The following PLEKHA5 variants were observed in gnomAD, a reference collection of about 807,000 sequenced individuals.
The protein encoded by PLEKHA5 is pleckstrin homology domain containing A5.
A neutral mutation model predicts 181.9 loss-of-function variants in PLEKHA5; 55 were observed. The observed-to-expected ratio is 0.30, with a 90% CI of 0.24 to 0.38. The LOEUF (loss-of-function observed/expected upper bound fraction) is 0.38, where lower values mean the gene tolerates loss of function less well. Ranked by LOEUF, PLEKHA5 falls within the 10% of genes least tolerant of loss-of-function variation. The pLI is 1.00. For missense variants in PLEKHA5, 1,432 were observed against 1,549.5 expected (o/e 0.92, Z 1.27); for synonymous variants, 535 against 529.4 (o/e 1.01, Z -0.15).
intron 8 of PLEKHA5, among the ~76,000 whole-genome samples, chr12:19,266,492 A>G (rs923055185): frequency 2.6e-5 from 4 of 151,882 alleles, no homozygotes; most frequent in African/African-American, 7.3e-5. Flanking sequence ...TCAAAAAAAA[A>G]TTATTAATAA....
chr12:19,175,235 T>C (rs1357360547), intron 3 of PLEKHA5, among the ~76,000 whole-genome samples: 2 of 152,216 alleles, frequency 1.3e-5, no homozygotes, highest in African/African-American at 4.8e-5. Flanking sequence ...AAATGCTCAT[T>C]CATCAGTTCT....
chr12:19,368,037 C>G (rs548339413), intron 30 of PLEKHA5, among the ~76,000 whole-genome samples: 6 of 152,018 alleles, frequency 3.9e-5, no homozygotes, highest in African/African-American at 1.4e-4. Flanking sequence ...GGCAGAACAT[C>G]TTCCGTATCT....
chr12:19,298,327 G>T (rs536339408), intron 15 of PLEKHA5, among the ~76,000 whole-genome samples: 1 of 151,014 alleles, frequency 6.6e-6, no homozygotes, highest in Non-Finnish European at 1.5e-5. Context: ...TTTAATATGT[G>T]TCTCTTAAAT....
intron 3 of PLEKHA5, among the ~76,000 whole-genome samples, chr12:19,190,441 T>C (rs901981099): frequency 6.6e-6 from 1 of 152,194 alleles, no homozygotes; most frequent in Admixed American, 6.5e-5. Flanking sequence ...GGCTGAGAGA[T>C]AACTGATTGC....
rs2152736639 is a variant in PLEKHA5 at position 19,274,493 on chromosome 12, A to G, written c.846-23A>G. 2.1e-6 allele frequency: 3 copies of G among 1,442,528 alleles called. 1 individual carries two copies. The highest frequency in any genetic ancestry group is 2.3e-5 in the East Asian group (1 of 44,044). 89.4% of individuals were successfully genotyped at this position (1,442,528 alleles called of 1,614,324 possible). A position where few individuals can be genotyped will look rare whatever the true frequency, so the allele number is the denominator to read the frequency against. On this transcript the variant is annotated intron_variant, in intron 10 of 31. Transcript: ENST00000429027. Reference sequence around the variant, plus strand: ...TGTACATTATTTCATCTGATTTACTATGATTTTCTTCTCTGATTTCAGAGT... The same window carrying G: ...TGTACATTATTTCATCTGATTTACTGTGATTTTCTTCTCTGATTTCAGAGT...
chr12:19,142,293 C>G (rs749807211), intron 3 of PLEKHA5, among the ~76,000 whole-genome samples: 1 of 152,050 alleles, frequency 6.6e-6, no homozygotes, highest in East Asian at 1.9e-4. Flanking sequence ...TGCTTGAGCC[C>G]AGGAACTCAA....
intron 29 of PLEKHA5, among the ~76,000 whole-genome samples, chr12:19,363,959 A>C (rs543934015): frequency 2.6e-5 from 4 of 152,342 alleles, no homozygotes; most frequent in African/African-American, 4.8e-5. Flanking sequence ...TAAGAAAAAT[A>C]TCTCTGCTGA....
intron 3 of PLEKHA5, among the ~76,000 whole-genome samples, chr12:19,136,637 A>C (rs537010972): frequency 6.6e-6 from 1 of 152,298 alleles, no homozygotes; most frequent in East Asian, 1.9e-4. Context: ...TGCCAAGTAA[A>C]TCTTAAGGCT....
chr12:19,349,590 A>G (rs1353075458), intron 25 of PLEKHA5, among the ~76,000 whole-genome samples: 1 of 152,122 alleles, frequency 6.6e-6, no homozygotes, highest in African/African-American at 2.4e-5. Flanking sequence ...AGAAAAGAGT[A>G]GAGAGAGAAC....
intron 27 of PLEKHA5, among the ~76,000 whole-genome samples, chr12:19,359,118 C>T (rs912530753): frequency 6.6e-6 from 1 of 152,116 alleles, no homozygotes; most frequent in Non-Finnish European, 1.5e-5. Context: ...TAATGAATAT[C>T]CCCTCTTTCC....
chr12:19,281,943 G>A (rs769548863), intron 11 of PLEKHA5, among the ~76,000 whole-genome samples: 35 of 151,898 alleles, frequency 2.3e-4, no homozygotes, highest in South Asian at 2.1e-4. Flanking sequence ...CACCACGCCC[G>A]GCTAATTTTT....
At chr12:19,192,032 A>G (rs2051266176) in intron 3 of PLEKHA5, among the ~76,000 whole-genome samples, 1 of 152,132 alleles carries the variant, frequency 6.6e-6, no homozygotes, top group South Asian at 2.1e-4. Context: ...TAGTCCGTGT[A>G]TAGGCTGGGG....
At chr12:19,311,957 T>C (rs2086702719) in intron 15 of PLEKHA5, among the ~76,000 whole-genome samples, 2 of 152,128 alleles carry the variant, frequency 1.3e-5, no homozygotes, top group Non-Finnish European at 2.9e-5. Flanking sequence ...ATAATAGTAA[T>C]TGAAAGTTGA....
chr12:19,245,434 A>C (rs574966699), intron 3 of PLEKHA5, among the ~76,000 whole-genome samples: 168 of 152,236 alleles, frequency 1.1e-3, no homozygotes, highest in African/African-American at 3.5e-3. Context: ...TGGACATAGA[A>C]TCTCATATCT....
intron 28 of PLEKHA5, among the ~76,000 whole-genome samples, chr12:19,360,343 A>AT (rs1296424919): frequency 8.6e-5 from 13 of 151,814 alleles, no homozygotes; most frequent in Non-Finnish European, 1.9e-4. Context: ...ACAGTGGCTC[A>AT]TGCCTGTAAT....
At chr12:19,173,675 A>T (rs998426510) in intron 3 of PLEKHA5, among the ~76,000 whole-genome samples, 11 of 152,182 alleles carry the variant, frequency 7.2e-5, no homozygotes, top group Admixed American at 6.5e-4. Flanking sequence ...GGCTCCAGGG[A>T]ACAGGACAAA....
At chr12:19,296,384 C>G (rs1232764562) in intron 15 of PLEKHA5, among the ~76,000 whole-genome samples, 2 of 151,918 alleles carry the variant, frequency 1.3e-5, no homozygotes, top group Non-Finnish European at 2.9e-5. Flanking sequence ...CCCATCTCTA[C>G]TAAAAACACA....
At chr12:19,219,456 T>C (rs2058580368) in intron 3 of PLEKHA5, among the ~76,000 whole-genome samples, 1 of 151,986 alleles carries the variant, frequency 6.6e-6, no homozygotes, top group South Asian at 2.1e-4. Flanking sequence ...TGGGAAACAA[T>C]TATAAAAGAT....
At position 19,274,689 on chromosome 12, in the gene PLEKHA5, A is replaced by G. The variant is rs1365762902; in HGVS notation, c.1019A>G (p.Gln340Arg). ...AAATATGGATTTCAGAAGGATGGTCAAGATAGACCCTTAACAAAAATTAAT... is the reference window on the plus strand; with the variant it reads ...AAATATGGATTTCAGAAGGATGGTCGAGATAGACCCTTAACAAAAATTAAT... ...AEKYGFQKDG[Q>R]DRPLTKINSV... is the part of the protein sequence containing the mutation. Residue 340 changes from glutamine to arginine, a missense_variant, in exon 11 of 32, where the codon CAA (glutamine) becomes CGA (arginine). Gln to Arg is a conservative substitution (Grantham distance 43). Around this residue, in one of 2 missense-constraint regions of PLEKHA5, gnomAD observed 1,143 missense variants for 1,168.4 expected, o/e 0.98. Transcript: ENST00000429027. 1.9e-6 allele frequency: 3 copies of G among 1,614,142 alleles called. No homozygotes were observed. The South Asian group carries it at 3.3e-5, about 18-fold the overall frequency.
Sources: allele counts gnomAD v4.1 joint callset (sites outside exome capture counted in the v4.1 genomes callset), GRCh38; gene constraint gnomAD v4.1.1; regional missense constraint gnomAD v4.1.1; transcripts MANE v1.5; gene names NCBI Gene and HGNC (gene_info 2026-07-23, HGNC 2026-07-21).